The following CLCN3 variants were observed in gnomAD, a reference collection of about 807,000 sequenced individuals.
CLCN3 encodes Cl-/H+ antiporter 3, also known as H(+)/Cl(-) exchange transporter 3.
CLCN3 carries 16 observed loss-of-function variants against 83.4 expected under a neutral mutation model. The observed-to-expected ratio is 0.19, with a 90% CI of 0.13 to 0.29. CLCN3 has a LOEUF of 0.29. Ranked by LOEUF, CLCN3 falls within the 10% of genes least tolerant of loss-of-function variation. The pLI, the probability that CLCN3 is intolerant of heterozygous loss-of-function variation, is 1.00. For missense variants in CLCN3, 544 were observed against 1,006.0 expected (o/e 0.54, Z 6.21); for synonymous variants, 322 against 346.2 (o/e 0.93, Z 0.78).
At chr4:169,699,700 G>A (rs188540972) in intron 9 of CLCN3, among the ~76,000 whole-genome samples, 2 of 152,066 alleles carry the variant, frequency 1.3e-5, no homozygotes, top group African/African-American at 2.4e-5. Flanking sequence ...TGGCTAATGC[G>A]GTGAAACCCC....
At chr4:169,641,878 A>G (rs887370124) in intron 2 of CLCN3, among the ~76,000 whole-genome samples, 15 of 152,186 alleles carry the variant, frequency 9.9e-5, no homozygotes, top group Admixed American at 7.2e-4. Context: ...ATTAGGTAAA[A>G]CCATAATACA....
chr4:169,713,370 T>G, intron 12 of CLCN3, 75 bp downstream of exon 12: 1 of 1,181,842 alleles, frequency 8.5e-7, no homozygotes, highest in South Asian at 1.3e-5. Flanking sequence ...ATATAGTTAT[T>G]AGGGGAGCAT....
At chr4:169,688,038 T>C (rs572581285) in intron 4 of CLCN3, among the ~76,000 whole-genome samples, 9 of 152,344 alleles carry the variant, frequency 5.9e-5, no homozygotes, top group Admixed American at 1.3e-4. Flanking sequence ...TAAAGTATCT[T>C]TTGATATTAA....
intron 2 of CLCN3, chr4:169,663,584 C>T (rs574534624): frequency 1.3e-4 from 54 of 418,928 alleles, no homozygotes; most frequent in African/African-American, 1.1e-3. Flanking sequence ...AAGCAACCCT[C>T]CTGCCTTGGC....
In CLCN3 at chr4:169,636,085, G is replaced by A; in HGVS notation, c.157G>A (p.Val53Ile). The A allele has an allele frequency of 6.2e-7, 1 of 1,611,198 alleles. No individual in the cohort carries two copies. Among genetic ancestry groups the A allele is most frequent in the Non-Finnish European group, 8.5e-7 (1 of 1,178,594 alleles). Residue 53 changes from valine (V) to isoleucine (I), a missense_variant, in exon 2 of 13, where the codon GTT (valine) becomes ATT (isoleucine). Val to Ile is a conservative substitution (Grantham distance 29). Transcript: ENST00000513761. ...DDNLLDGDTA[V>I]GTHYTMTNGG... is the part of the protein sequence containing the mutation. The stretch of plus-strand genomic sequence containing the variant: ...CAATTTATTAGATGGTGACACTGCA[G>A]TTGGTAAGTTCAGCATGACAGCCTA...
rs1196065709 is a variant in CLCN3, at chr4:169,720,045, T to C, written c.*48T>C. ...AGAAACGGAAGAGGAAGTTTATTTG[T>C]TGAATAGCACAACTCTTTAACCTGA... On this transcript the variant is annotated 3_prime_UTR_variant, in exon 13 of 13. Transcript: ENST00000513761. 2 of 1,612,810 alleles carry C rather than the reference T, an allele frequency of 1.2e-6. No homozygotes were observed. The highest frequency in any genetic ancestry group is 1.7e-6 in the Non-Finnish European group (2 of 1,179,424).
intron 3 of CLCN3, among the ~76,000 whole-genome samples, chr4:169,686,397 G>A (rs1191379242): frequency 6.7e-6 from 1 of 148,956 alleles, no homozygotes; most frequent in Non-Finnish European, 1.5e-5. Context: ...GTTGAGCACT[G>A]AAGTCCTGGG....
At chr4:169,634,702 A>AT (rs1035871272) in intron 1 of CLCN3, among the ~76,000 whole-genome samples, 55 of 151,622 alleles carry the variant, frequency 3.6e-4, no homozygotes, top group African/African-American at 1.0e-3. Flanking sequence ...TGGAGAGAGG[A>AT]TTTTTTTTTA....
chr4:169,692,852 G>GAT (rs1581256950), intron 7 of CLCN3, among the ~76,000 whole-genome samples: 1 of 152,256 alleles, frequency 6.6e-6, no homozygotes, highest in East Asian at 1.9e-4. Flanking sequence ...CTTTTCATTT[G>GAT]ATTGTTTAAG....
intron 2 of CLCN3, among the ~76,000 whole-genome samples, chr4:169,661,872 TTAA>T (rs1199960560): frequency 3.9e-5 from 6 of 152,146 alleles, no homozygotes; most frequent in Admixed American, 6.5e-5. Context: ...AAGGAGTTCT[TTAA>T]ACAGGAAGCA....
At position 169,722,965 on chromosome 4, in the gene CLCN3, A is replaced by C. The variant is rs1733686285; in HGVS notation, c.*2968A>C. ...CCTTGTTTGAATACCCTTTTTGAGA[A>C]GGTATGATGAGAATGGGCAAGGGTG... On this transcript the variant is annotated 3_prime_UTR_variant, in exon 13 of 13. Coordinates refer to ENST00000513761, the MANE Select transcript of CLCN3 (RefSeq NM_001829.4). 1 of 152,170 alleles carries C rather than the reference A, an allele frequency of 6.6e-6. No homozygotes were observed. 9.4% of individuals were successfully genotyped at this position (152,170 alleles called of 1,614,324 possible).
intron 2 of CLCN3, among the ~76,000 whole-genome samples, chr4:169,644,186 A>G (rs1300348254): frequency 6.6e-6 from 1 of 152,208 alleles, no homozygotes; most frequent in Non-Finnish European, 1.5e-5. Context: ...TTACTGTTTT[A>G]TCAAGAACAT....
intron 2 of CLCN3, among the ~76,000 whole-genome samples, chr4:169,639,729 T>C (rs1239764504): frequency 6.6e-6 from 1 of 152,204 alleles, no homozygotes; most frequent in Admixed American, 6.5e-5. Context: ...AAAACTTATT[T>C]CTGTTTCTGC....
chr4:169,634,293 A>G (rs1043954062), intron 1 of CLCN3, among the ~76,000 whole-genome samples: 1 of 152,208 alleles, frequency 6.6e-6, no homozygotes, highest in African/African-American at 2.4e-5. Context: ...ATGTTATCAT[A>G]TGTATTAAGC....
intron 1 of CLCN3, among the ~76,000 whole-genome samples, chr4:169,623,738 A>AT (rs1773163356): frequency 6.7e-6 from 1 of 149,510 alleles, no homozygotes; most frequent in African/African-American, 2.5e-5. Context: ...TTTTTTTTAG[A>AT]TTTTACACAT....
chr4:169,649,868 G>C (rs1471657313), intron 2 of CLCN3, among the ~76,000 whole-genome samples: 1 of 152,158 alleles, frequency 6.6e-6, no homozygotes, highest in African/African-American at 2.4e-5. Flanking sequence ...CAGATTGCTT[G>C]AGCCCAAGAG....
At chr4:169,632,260 CTG>C (rs1773391444) in intron 1 of CLCN3, among the ~76,000 whole-genome samples, 2 of 152,136 alleles carry the variant, frequency 1.3e-5, no homozygotes, top group South Asian at 4.1e-4. Context: ...CTTGATAGGA[CTG>C]AGAGATTGAA....
At chr4:169,698,797 T>TA (rs1173950085) in intron 9 of CLCN3, among the ~76,000 whole-genome samples, 7 of 152,224 alleles carry the variant, frequency 4.6e-5, no homozygotes, top group African/African-American at 1.7e-4. Flanking sequence ...AAGGTGTTCG[T>TA]AGGGCATTCT....
intron 2 of CLCN3, chr4:169,660,304 C>T: frequency 3.0e-6 from 4 of 1,329,888 alleles, no homozygotes; most frequent in Non-Finnish European, 3.8e-6. Flanking sequence ...GAAGAAATGT[C>T]ACTTTCTTTT....
Sources: gnomAD v4.1 joint callset for allele counts (sites outside exome capture counted in the v4.1 genomes callset) on GRCh38, gnomAD v4.1.1 for gene constraint, MANE v1.5 for transcripts, NCBI Gene and HGNC (gene_info 2026-07-23, HGNC 2026-07-21) for gene names.